Variants in PABPC1L observed in about 807,000 individuals in gnomAD.
The protein encoded by PABPC1L is polyadenylate-binding protein 1-like.
A neutral mutation model predicts 66.6 loss-of-function variants in PABPC1L; 31 were observed. That is an observed-to-expected ratio of 0.47 (90% confidence interval 0.35 to 0.63). The LOEUF (loss-of-function observed/expected upper bound fraction) is 0.63, where lower values mean the gene tolerates loss of function less well. Among genes scored for constraint, PABPC1L ranks in the 20% least tolerant of loss-of-function variants. The probability of loss-of-function intolerance (pLI) is 0.00; values close to 1 mark genes in which losing one functional copy is unlikely to be tolerated. For missense variants in PABPC1L, 722 were observed against 848.8 expected (o/e 0.85, Z 1.86); for synonymous variants, 348 against 335.1 (o/e 1.04, Z -0.42).
intron 1 of PABPC1L, among the ~76,000 whole-genome samples, chr20:44,911,528 T>C (rs568362557): frequency 6.6e-6 from 1 of 152,162 alleles, no homozygotes; most frequent in South Asian, 2.1e-4. Context: ...AACATTCTGA[T>C]GTAAGACTCC....
Position 44,930,586 on chromosome 20 carries a change from C to T in PABPC1L, c.1099C>T (p.Leu367=). Residue 367 remains leucine (L), a synonymous_variant, in exon 8 of 15, where the codon CTG becomes TTG. Transcript: ENST00000217073. ...GGGCACCAAGCCACTCTACGTGGCA[C>T]TGGCCCAGCGCAAAGAGGAGCGGAA... ...IVGTKPLYVA[L]AQRKEERKAI... is the part of the protein sequence containing the mutation. The T allele has an allele frequency of 6.2e-7, 1 of 1,614,282 alleles. No individual in the cohort carries two copies. Among genetic ancestry groups the T allele is most frequent in the Non-Finnish European group, 8.5e-7 (1 of 1,180,054 alleles).
At chr20:44,926,230 C>A (rs6094053) in intron 7 of PABPC1L, among the ~76,000 whole-genome samples, 35,896 of 151,822 alleles carry the variant, frequency 0.24, 4,385 homozygotes, top group Admixed American at 0.31. Flanking sequence ...ATAAATATAT[C>A]TATTTTTTGT....
intron 7 of PABPC1L, 73 bp from the exon 8 acceptor site, chr20:44,930,387 G>A: frequency 1.9e-6 from 3 of 1,545,460 alleles, no homozygotes; most frequent in South Asian, 1.2e-5. Context: ...AGCCCATGGG[G>A]AGGAGGGAGG....
intron 7 of PABPC1L, among the ~76,000 whole-genome samples, chr20:44,926,310 T>C (rs2066808885): frequency 6.6e-6 from 1 of 152,136 alleles, no homozygotes; most frequent in African/African-American, 2.4e-5. Flanking sequence ...CACTACAACC[T>C]CCGCCTCCCG....
chr20:44,910,468 A>G, intron 1 of PABPC1L, 132 bp downstream of exon 1: 1 of 1,088,124 alleles, frequency 9.2e-7, no homozygotes, highest in Non-Finnish European at 1.3e-6. Flanking sequence ...CAAAGATAAC[A>G]GGGCGTTGGC....
chr20:44,930,815 G>T, intron 8 of PABPC1L, 89 bp downstream of exon 8: 1 of 1,499,866 alleles, frequency 6.7e-7, no homozygotes, highest in East Asian at 2.3e-5. Flanking sequence ...GGAAATGGAG[G>T]TTTCTAACTT....
intron 10 of PABPC1L, among the ~76,000 whole-genome samples, chr20:44,935,022 A>G (rs1310150076): frequency 6.6e-6 from 1 of 151,886 alleles, no homozygotes; most frequent in Non-Finnish European, 1.5e-5. Context: ...GAGCCGAGAT[A>G]ACACCACTGC....
chr20:44,919,078 C>A, intron 4 of PABPC1L, 33 bp downstream of exon 4: 1 of 1,611,114 alleles, frequency 6.2e-7, no homozygotes, highest in Non-Finnish European at 8.5e-7. Flanking sequence ...GGGGGGATCA[C>A]TGTTTTTCCT....
intron 7 of PABPC1L, among the ~76,000 whole-genome samples, chr20:44,924,547 A>G (rs1267458246): frequency 6.6e-6 from 1 of 152,176 alleles, no homozygotes; most frequent in South Asian, 2.1e-4. Context: ...CCAGAAATTC[A>G]TATCTTAGTA....
chr20:44,925,390 T>G (rs537497813), intron 7 of PABPC1L, among the ~76,000 whole-genome samples: 2 of 152,236 alleles, frequency 1.3e-5, no homozygotes, highest in Admixed American at 6.5e-5. Flanking sequence ...CGTCACTAAC[T>G]CAAATGGATT....
chr20:44,923,435 C>G (rs1194711873), intron 6 of PABPC1L, among the ~76,000 whole-genome samples: 1 of 151,896 alleles, frequency 6.6e-6, no homozygotes, highest in Non-Finnish European at 1.5e-5. Context: ...CTGGCCTGAC[C>G]AACATGGAGA....
At chr20:44,920,653 G>C (rs1288884120) in intron 5 of PABPC1L, among the ~76,000 whole-genome samples, 1 of 151,656 alleles carries the variant, frequency 6.6e-6, no homozygotes, top group Non-Finnish European at 1.5e-5. Flanking sequence ...GTTTTTAGTA[G>C]AGAAGGGGTT....
At position 44,924,205 on chromosome 20, in the gene PABPC1L, C is replaced by T. The variant is rs749876401; in HGVS notation, c.921C>T (p.Asp307=). 8 of 1,613,920 alleles carry T rather than the reference C, an allele frequency of 5.0e-6. No individual in the cohort carries two copies. Among genetic ancestry groups the T allele is most frequent in the African/African-American group, 1.3e-5 (1 of 74,900 alleles). ...AGAATCTGGACGACTCCATTGATGA[C>T]GACAAACTGAGGAAAGAGTTCTCTC... ...YVKNLDDSID[D]DKLRKEFSPY... is the part of the protein sequence containing the mutation. The change falls in exon 7 of 15, where the codon GAC becomes GAT. Residue 307 remains aspartate, a synonymous_variant. Transcript: ENST00000217073.
In PABPC1L at chr20:44,933,083, G is replaced by A. The variant is rs760113981; in HGVS notation, c.1357G>A (p.Val453Ile). 1.2e-4 allele frequency: 198 copies of A among 1,597,902 alleles called. No individual in the cohort carries two copies. In the Middle Eastern group the frequency reaches 1.5e-3, roughly 12 times the overall value. Residue 453 changes from valine (V) to isoleucine (I), a missense_variant, in exon 10 of 15, where the codon GTC becomes ATC. Val to Ile is a conservative substitution (Grantham distance 29). Around this residue, in one of 3 missense-constraint regions of PABPC1L, gnomAD observed 301 missense variants for 337.2 expected, o/e 0.89. Transcript: ENST00000217073. ...SSAYPPGASM[V>I]RPPVVPRRPP... ...TGCCTACCCTCCAGGTGCCTCAATG[G>A]TCCGGCCACCAGTTGTGCCTCGGCG...
chr20:44,937,787 A>G, intron 12 of PABPC1L: 2 of 408,306 alleles, frequency 4.9e-6, no homozygotes, highest in Non-Finnish European at 8.8e-6. Context: ...AAACATTTTC[A>G]CTTTCTTCAT....
At chr20:44,932,248 A>G in intron 8 of PABPC1L, 94 bp from the exon 9 acceptor site, 3 of 913,308 alleles carry the variant, frequency 3.3e-6, no homozygotes, top group Non-Finnish European at 1.7e-6. Flanking sequence ...TGCAGGAGCC[A>G]GTGGAGTTCC....
At chr20:44,931,304 G>A (rs2066858249) in intron 8 of PABPC1L, among the ~76,000 whole-genome samples, 1 of 151,326 alleles carries the variant, frequency 6.6e-6, no homozygotes, top group African/African-American at 2.4e-5. Context: ...AGCCTCCTGA[G>A]TAGGTGGGAC....
chr20:44,934,442 T>C (rs2066885156), intron 10 of PABPC1L, among the ~76,000 whole-genome samples: 1 of 152,262 alleles, frequency 6.6e-6, no homozygotes, highest in Non-Finnish European at 1.5e-5. Flanking sequence ...TCTGTTCAGC[T>C]TGTAGAGCCG....
chr20:44,923,151 C>T (rs2145565970), intron 6 of PABPC1L, among the ~76,000 whole-genome samples: 1 of 152,346 alleles, frequency 6.6e-6, no homozygotes, highest in Non-Finnish European at 1.5e-5. Flanking sequence ...GTGCTAGAGG[C>T]AGCTGTCACT....
Sources: gnomAD v4.1 joint callset for allele counts (sites outside exome capture counted in the v4.1 genomes callset) on GRCh38, gnomAD v4.1.1 for gene constraint, gnomAD v4.1.1 regional missense constraint, MANE v1.5 for transcripts, NCBI Gene and HGNC (gene_info 2026-07-23, HGNC 2026-07-21) for gene names.